The following MAP4 variants were observed in gnomAD, a reference collection of about 807,000 sequenced individuals.
MAP4 encodes microtubule associated protein 4, also known as microtubule-associated protein 4.
A neutral mutation model predicts 170.2 loss-of-function variants in MAP4; 76 were observed. That is an observed-to-expected ratio of 0.45 (90% CI 0.37 to 0.54). The LOEUF is 0.54. Among genes scored for constraint, MAP4 ranks in the 20% least tolerant of loss-of-function variants. The pLI, the probability that MAP4 is intolerant of heterozygous loss-of-function variation, is 0.00. For synonymous variants in MAP4, 909 were observed against 994.5 expected (o/e 0.91, Z 1.62); for missense variants, 2,506 against 2,748.0 (o/e 0.91, Z 1.97).
chr3:47,935,554 C>T (rs1447647546), intron 3 of MAP4, among the ~76,000 whole-genome samples: 1 of 151,938 alleles, frequency 6.6e-6, no homozygotes, highest in African/African-American at 2.4e-5. Context: ...CTTTCCCCAC[C>T]GAAGAAGTAG....
At chr3:48,028,296 G>A (rs186743207) in intron 1 of MAP4, among the ~76,000 whole-genome samples, 1 of 152,134 alleles carries the variant, frequency 6.6e-6, no homozygotes, top group African/African-American at 2.4e-5. Flanking sequence ...CATCTCTGGG[G>A]GGGGAGGGAA....
chr3:47,914,517 G>A (rs564869530), intron 8 of MAP4, among the ~76,000 whole-genome samples: 207 of 148,146 alleles, frequency 1.4e-3, no homozygotes, highest in African/African-American at 4.8e-3. Context: ...GCCATTGCAC[G>A]CCAGCCTGGG....
rs1579637844 is a variant in MAP4, at chr3:48,056,566, G to A, written c.-20+32207C>T. On this transcript the variant is annotated intron_variant, in intron 1 of 18. Coordinates refer to the MAP4 transcript ENST00000360240. The stretch of plus-strand genomic sequence containing the variant: ...GCCTCTGCCCGGCCGCCCCTACTGG[G>A]AAGTGAGGAGCCCCTCAGCCCCGCC... Among the ~76,000 whole-genome samples the A allele has an allele frequency of 1.9e-5, 2 of 103,788 alleles. 1 individual carries two copies. The highest frequency in any genetic ancestry group is 6.4e-4 in the South Asian group (2 of 3,124). 68.1% of individuals were successfully genotyped at this position (103,788 alleles called of 152,430 possible).
intron 3 of MAP4, among the ~76,000 whole-genome samples, chr3:47,964,544 G>C (rs2100073685): frequency 6.6e-6 from 1 of 152,120 alleles, no homozygotes; most frequent in African/African-American, 2.4e-5. Flanking sequence ...ATTCAGTTTA[G>C]AACATTTCAA....
At chr3:47,999,934 G>A (rs1487714023) in intron 1 of MAP4, among the ~76,000 whole-genome samples, 7 of 151,504 alleles carry the variant, frequency 4.6e-5, no homozygotes, top group African/African-American at 1.7e-4. Flanking sequence ...AGCCAAAGGG[G>A]CCAGGTGCAG....
chr3:47,974,551 T>C lies in MAP4; in HGVS notation c.292+3314A>G, dbSNP rs1049017457. 7 of 975,012 alleles carry C rather than the reference T, an allele frequency of 7.2e-6. No homozygotes were observed. In the South Asian group the frequency reaches 1.9e-4, roughly 26 times the overall value. The allele number at this position is 975,012 out of a possible 1,614,324, so 60.4% of individuals were successfully genotyped here. A position where few individuals can be genotyped will look rare whatever the true frequency, so the allele number is the denominator to read the frequency against. On this transcript the variant is annotated intron_variant, in intron 3 of 20. Transcript: ENST00000683076. Reference sequence around the variant, plus strand: ...CATAATCAGTAAAAGGATAGAAAACTTTAAAGTATTTCAGATTTTAAACCA... The same window carrying C: ...CATAATCAGTAAAAGGATAGAAAACCTTAAAGTATTTCAGATTTTAAACCA...
At chr3:48,051,560 TG>T (rs200813942) in intron 1 of MAP4, among the ~76,000 whole-genome samples, 2 of 146,010 alleles carry the variant, frequency 1.4e-5, no homozygotes, top group Non-Finnish European at 3.1e-5. Context: ...TTATGGTTAT[TG>T]ATTTTGGCAA....
chr3:47,981,899 T>C (rs573179277), intron 2 of MAP4, among the ~76,000 whole-genome samples: 4 of 152,262 alleles, frequency 2.6e-5, no homozygotes, highest in South Asian at 4.1e-4. Context: ...CACAGACCCA[T>C]GATTTAATTG....
At chr3:48,024,855 G>A (rs1221053310) in intron 1 of MAP4, among the ~76,000 whole-genome samples, 1 of 151,986 alleles carries the variant, frequency 6.6e-6, no homozygotes, top group Non-Finnish European at 1.5e-5. Flanking sequence ...TCTATTCAGG[G>A]ACTTTTACAA....
intron 1 of MAP4, among the ~76,000 whole-genome samples, chr3:48,070,841 GAA>G (rs79176172): frequency 2.8e-4 from 34 of 119,486 alleles, no homozygotes; most frequent in Non-Finnish European, 3.4e-4. Flanking sequence ...GTCTCTACAG[GAA>G]AAAAAAAAAA....
At chr3:47,971,391 C>T (rs866442106) in intron 3 of MAP4, among the ~76,000 whole-genome samples, 2 of 152,250 alleles carry the variant, frequency 1.3e-5, no homozygotes, top group African/African-American at 2.4e-5. Context: ...TTGCATTTTT[C>T]TGATGCTAAA....
chr3:47,854,712 T>G (rs2051462335), intron 19 of MAP4, among the ~76,000 whole-genome samples: 1 of 150,010 alleles, frequency 6.7e-6, no homozygotes, highest in African/African-American at 2.5e-5. Flanking sequence ...ACTTGAGCTC[T>G]GTCCCAGAGC....
chr3:47,964,029 G>A (rs1366255312), intron 3 of MAP4, among the ~76,000 whole-genome samples: 1 of 152,208 alleles, frequency 6.6e-6, no homozygotes, highest in Non-Finnish European at 1.5e-5. Flanking sequence ...TCAAGGAACA[G>A]TAGCAAGAAC....
At chr3:48,005,145 A>G (rs1395222183) in intron 1 of MAP4, among the ~76,000 whole-genome samples, 1 of 152,154 alleles carries the variant, frequency 6.6e-6, no homozygotes, top group East Asian at 1.9e-4. Context: ...GCGGATCACG[A>G]GGTCAGGAGT....
At chr3:47,972,245 T>C (rs1282404920) in intron 3 of MAP4, among the ~76,000 whole-genome samples, 1 of 152,228 alleles carries the variant, frequency 6.6e-6, no homozygotes, top group Non-Finnish European at 1.5e-5. Context: ...GCGCATTTTG[T>C]TGAATTCTTC....
chr3:47,859,192 G>A (rs2061683269), intron 17 of MAP4, among the ~76,000 whole-genome samples: 1 of 152,134 alleles, frequency 6.6e-6, no homozygotes, highest in African/African-American at 2.4e-5. Context: ...TGCTGGATGG[G>A]GATTCCAGCA....
intron 10 of MAP4, among the ~76,000 whole-genome samples, chr3:47,885,196 G>T (rs1299246872): frequency 6.6e-6 from 1 of 151,792 alleles, no homozygotes; most frequent in African/African-American, 2.4e-5. Context: ...CAGGTTACAG[G>T]CCTCTCCAGT....
chr3:47,886,019 C>T (rs922560468), intron 10 of MAP4, among the ~76,000 whole-genome samples: 12 of 152,178 alleles, frequency 7.9e-5, no homozygotes, highest in South Asian at 2.1e-4. Flanking sequence ...TGAGCCACCG[C>T]GCCCGGCTAA....
Position 47,852,859 on chromosome 3 carries a change from G to C in MAP4, c.*75C>G, listed in dbSNP as rs754730874. 6.4e-6 allele frequency: 10 copies of C among 1,566,022 alleles called. No homozygotes were observed. Among genetic ancestry groups the C allele is most frequent in the Non-Finnish European group, 8.7e-6 (10 of 1,155,274 alleles). ...CGAGTTGGGGCCGCCAGGGAAGTGT[G>C]GGGGGCGGGAGACAATGTCGGCCCC... On this transcript the variant is annotated 3_prime_UTR_variant, in exon 21 of 21. Coordinates refer to ENST00000683076, the MANE Select transcript of MAP4 (RefSeq NM_001385682.1).
Sources: allele counts gnomAD v4.1 joint callset (sites outside exome capture counted in the v4.1 genomes callset), GRCh38; gene constraint gnomAD v4.1.1; transcripts MANE v1.5; gene names NCBI Gene and HGNC (gene_info 2026-07-23, HGNC 2026-07-21).